Variants in CCDC28A observed in about 807,000 individuals in gnomAD.
The protein encoded by CCDC28A is coiled-coil domain-containing protein 28A.
A neutral mutation model predicts 22.1 loss-of-function variants in CCDC28A; 24 were observed. The observed-to-expected ratio is 1.09, with a 90% CI of 0.79 to 1.53. The LOEUF (loss-of-function observed/expected upper bound fraction) is 1.53. Among genes scored for constraint, CCDC28A ranks in the 40% most tolerant of loss-of-function variants. The probability of loss-of-function intolerance (pLI) is 0.00; values close to 1 mark genes in which losing one functional copy is unlikely to be tolerated. For missense variants in CCDC28A, 170 were observed against 210.7 expected, an observed-to-expected ratio of 0.81 and a Z score of 1.20; for synonymous variants, 83 against 74.7, an observed-to-expected ratio of 1.11 and a Z score of -0.57.
At chr6:138,791,874 A>G (rs778492806) in intron 5 of CCDC28A, among the ~76,000 whole-genome samples, 8 of 152,258 alleles carry the variant, frequency 5.3e-5, no homozygotes, top group Non-Finnish European at 1.0e-4. Flanking sequence ...AACCTCTGCC[A>G]TACATGTACT....
intron 3 of CCDC28A, among the ~76,000 whole-genome samples, chr6:138,784,884 A>G (rs929881683): frequency 6.6e-6 from 1 of 151,962 alleles, no homozygotes; most frequent in African/African-American, 2.4e-5. Flanking sequence ...AGTAGAGACT[A>G]GGTTTCACCA....
At chr6:138,781,504 A>G (rs1775020491) in intron 3 of CCDC28A, among the ~76,000 whole-genome samples, 1 of 152,228 alleles carries the variant, frequency 6.6e-6, no homozygotes, top group Non-Finnish European at 1.5e-5. Context: ...TTGCAAAAAG[A>G]ACAATACCGC....
intron 1 of CCDC28A, among the ~76,000 whole-genome samples, chr6:138,774,696 G>C (rs374080952): frequency 6.6e-6 from 1 of 152,142 alleles, no homozygotes; most frequent in Non-Finnish European, 1.5e-5. Flanking sequence ...AAAGGAAAAA[G>C]AAAAATTTAT....
intron 3 of CCDC28A, among the ~76,000 whole-genome samples, chr6:138,780,738 A>G (rs1450476494): frequency 6.6e-6 from 1 of 151,690 alleles, no homozygotes; most frequent in Non-Finnish European, 1.5e-5. Context: ...CGGCCAGCTA[A>G]TTTTTTGTAT....
intron 2 of CCDC28A, among the ~76,000 whole-genome samples, chr6:138,779,014 T>C (rs1262520195): frequency 6.6e-6 from 1 of 152,212 alleles, no homozygotes. Context: ...GTGATCCTCC[T>C]GCCTGGGCCT....
rs529249852 is a variant in CCDC28A at position 138,787,992 on chromosome 6, C to T, written c.478-374C>T. Among the ~76,000 whole-genome samples, 213 of 121,412 alleles carry T rather than the reference C, an allele frequency of 1.8e-3. 1 individual carries two copies. The highest frequency in any genetic ancestry group is 6.3e-3 in the African/African-American group (199 of 31,660). The allele number at this position is 121,412 out of a possible 152,430, so 79.7% of individuals were successfully genotyped here. A position where few individuals can be genotyped will look rare whatever the true frequency, so the allele number is the denominator to read the frequency against. ...TTTTTTTTTTTTCGACACAGCATCT[C>T]ATTCTGTCACCCAGGCTGGAGTGCA... On this transcript the variant is annotated intron_variant, in intron 4 of 5. Coordinates refer to ENST00000617445, the MANE Select transcript of CCDC28A (RefSeq NM_015439.3).
chr6:138,780,600 A>C (rs1775001181), intron 3 of CCDC28A, among the ~76,000 whole-genome samples: 2 of 140,804 alleles, frequency 1.4e-5, no homozygotes, highest in East Asian at 4.2e-4. Flanking sequence ...TTTGAGACAG[A>C]GTCTGGCTCT....
At position 138,784,353 on chromosome 6, in the gene CCDC28A, C is replaced by CTTTT. The variant is rs10689868; in HGVS notation, c.323-862_323-859dup. 8.6e-5 allele frequency among the ~76,000 whole-genome samples: 12 copies of CTTTT among 140,246 alleles called. 1 individual carries two copies. Among genetic ancestry groups the CTTTT allele is most frequent in the African/African-American group, 1.3e-4 (5 of 37,246 alleles). 92.0% of individuals were successfully genotyped at this position (140,246 alleles called of 152,430 possible). ...AGGGACGATTTTCTTTTCTCTTTTT[C>CTTTT]TTTTTTTTTTTTTTTGAGACAAGGT... is the stretch of plus-strand genomic sequence containing the variant. On this transcript the variant is annotated intron_variant, in intron 3 of 5. Transcript: ENST00000617445.
intron 2 of CCDC28A, among the ~76,000 whole-genome samples, chr6:138,776,881 A>G (rs1774941756): frequency 6.6e-6 from 1 of 152,142 alleles, no homozygotes; most frequent in African/African-American, 2.4e-5. Context: ...TTTTTTATAA[A>G]TATTCAAACA....
intron 3 of CCDC28A, 139 bp downstream of exon 3, chr6:138,780,124 T>A: frequency 1.6e-6 from 1 of 611,988 alleles, no homozygotes; most frequent in Non-Finnish European, 2.5e-6. Context: ...GCAATCATCC[T>A]AGATTTTGTC....
intron 3 of CCDC28A, among the ~76,000 whole-genome samples, chr6:138,784,353 C>T (rs200084174): frequency 1.1e-4 from 16 of 140,246 alleles, no homozygotes; most frequent in Middle Eastern, 3.8e-3. Flanking sequence ...TTCTCTTTTT[C>T]TTTTTTTTTT....
In CCDC28A at chr6:138,788,568, CTTTTTTTTTTTTT is replaced by C. The variant is rs3070099; in HGVS notation, c.500+191_500+203del. Among the ~76,000 whole-genome samples the C allele has an allele frequency of 8.6e-5, 8 of 92,982 alleles. 1 individual carries two copies. Among genetic ancestry groups the C allele is most frequent in the East Asian group, 2.4e-4 (1 of 4,182 alleles). The allele number at this position is 92,982 out of a possible 152,430, so 61.0% of individuals were successfully genotyped here. On this transcript the variant is annotated intron_variant, in intron 5 of 5. Transcript: ENST00000617445. ...TTCTTTTCTTTCTCTTTTTTCTTTT[CTTTTTTTTTTTTT>C]TTTTTTTTTTCAGAGACAGGGTCTT... is the stretch of plus-strand genomic sequence containing the variant.
chr6:138,781,791 A>C (rs1775025600), intron 3 of CCDC28A, among the ~76,000 whole-genome samples: 2 of 151,966 alleles, frequency 1.3e-5, no homozygotes, highest in Admixed American at 1.3e-4. Context: ...TCTGACCTCT[A>C]TTATGTATTT....
intron 3 of CCDC28A, among the ~76,000 whole-genome samples, chr6:138,783,210 TAAAG>T (rs1295430909): frequency 6.6e-6 from 1 of 151,960 alleles, no homozygotes; most frequent in Non-Finnish European, 1.5e-5. Flanking sequence ...TTATATTTCT[TAAAG>T]GAAGAATACA....
At chr6:138,774,808 A>G (rs145738162) in intron 1 of CCDC28A, among the ~76,000 whole-genome samples, 221 of 152,362 alleles carry the variant, frequency 1.5e-3, no homozygotes, top group African/African-American at 5.2e-3. Flanking sequence ...AAAACGGCCT[A>G]ATGTTTCTAG....
intron 3 of CCDC28A, among the ~76,000 whole-genome samples, chr6:138,784,353 CT>C (rs10689868): frequency 2.5e-3 from 354 of 140,180 alleles, no homozygotes; most frequent in African/African-American, 6.3e-3. Flanking sequence ...TTCTCTTTTT[CT>C]TTTTTTTTTT....
At chr6:138,777,014 TTAAC>T (rs1280004591) in intron 2 of CCDC28A, among the ~76,000 whole-genome samples, 1 of 152,208 alleles carries the variant, frequency 6.6e-6, no homozygotes, top group Non-Finnish European at 1.5e-5. Context: ...AGTGACAAGT[TTAAC>T]TATGTTATAT....
At chr6:138,787,722 G>A (rs1188607639) in intron 4 of CCDC28A, among the ~76,000 whole-genome samples, 1 of 151,904 alleles carries the variant, frequency 6.6e-6, no homozygotes, top group South Asian at 2.1e-4. Context: ...TAGAGACAGG[G>A]TTTTGTTATG....
Position 138,776,673 on chromosome 6 carries a change from TAC to T in CCDC28A, c.158+405_158+406del, listed in dbSNP as rs143048935. Among the ~76,000 whole-genome samples the T allele has an allele frequency of 5.2e-3, 783 of 150,694 alleles. 4 individuals are homozygous for T. The highest frequency in any genetic ancestry group is 0.031 in the Middle Eastern group (9 of 292). On this transcript the variant is annotated intron_variant, in intron 2 of 5. Transcript: ENST00000617445. The stretch of plus-strand genomic sequence containing the variant: ...GTAGTTTTCTTAATTTATTTTATTT[TAC>T]ACACACACATATATATATATATTTT...
Sources: gnomAD v4.1 joint callset for allele counts (sites outside exome capture counted in the v4.1 genomes callset) on GRCh38, gnomAD v4.1.1 for gene constraint, MANE v1.5 for transcripts, NCBI Gene and HGNC (gene_info 2026-07-23, HGNC 2026-07-21) for gene names.